STK32B: variants seen among roughly 807,000 people sequenced by gnomAD.
STK32B encodes the protein serine/threonine-protein kinase 32B.
A neutral mutation model predicts 52.6 loss-of-function variants in STK32B; 43 were observed. The ratio of observed to expected loss-of-function variants is 0.82; its 90% CI spans 0.64 to 1.05. The LOEUF (loss-of-function observed/expected upper bound fraction) is 1.05. STK32B is among the 50% of genes least tolerant of loss of function. The pLI, the probability that STK32B is intolerant of heterozygous loss-of-function variation, is 0.00. For synonymous variants in STK32B, 238 were observed against 204.3 expected, an observed-to-expected ratio of 1.17 and a Z score of -1.41; for missense variants, 621 against 534.6, an observed-to-expected ratio of 1.16 and a Z score of -1.59.
chr4:5,341,687 T>A (rs1457643482), intron 4 of STK32B, among the ~76,000 whole-genome samples: 1 of 152,174 alleles, frequency 6.6e-6, no homozygotes, highest in Non-Finnish European at 1.5e-5. Context: ...AGAGGCTTAA[T>A]TAGCTCATGG....
intron 3 of STK32B, among the ~76,000 whole-genome samples, chr4:5,243,474 T>G (rs1029887217): frequency 6.6e-6 from 1 of 152,218 alleles, no homozygotes; most frequent in African/African-American, 2.4e-5. Context: ...TAAGGAGATT[T>G]TGGGCTGAGA....
At chr4:5,035,557 T>A in the STK32B span, among the ~76,000 whole-genome samples, 1 of 152,176 alleles carries the variant, frequency 6.6e-6, no homozygotes, top group Non-Finnish European at 1.5e-5. Context: ...AGTGCTGCCC[T>A]GGCAGGTGAG....
intron 3 of STK32B, among the ~76,000 whole-genome samples, chr4:5,214,616 CTTAA>C (rs1723084088): frequency 6.6e-6 from 1 of 152,208 alleles, no homozygotes; most frequent in South Asian, 2.1e-4. Context: ...CACACACTAT[CTTAA>C]TTATTACAAT....
In STK32B at chr4:5,052,065, C is replaced by A. The variant is rs757301038; in HGVS notation, c.52+150C>A. 2.3e-5 allele frequency: 29 copies of A among 1,249,926 alleles called. No individual in the cohort carries two copies. The South Asian group carries it at 3.8e-4, about 16-fold the overall frequency. The allele number at this position is 1,249,926 out of a possible 1,614,324, so 77.4% of individuals were successfully genotyped here. ...CAGCGAATGCAGTGTGTGCCCGACCCGTGCCAGGCGCGGCGCTTCTGCTGA... is the reference window on the plus strand; with the variant it reads ...CAGCGAATGCAGTGTGTGCCCGACCAGTGCCAGGCGCGGCGCTTCTGCTGA... On this transcript the variant is annotated intron_variant, in intron 1 of 11. Coordinates refer to ENST00000282908, the MANE Select transcript of STK32B (RefSeq NM_018401.3).
chr4:5,141,746 G>T (rs1236120908), intron 2 of STK32B, among the ~76,000 whole-genome samples: 1 of 152,108 alleles, frequency 6.6e-6, no homozygotes, highest in Non-Finnish European at 1.5e-5. Flanking sequence ...TGGTCCATAG[G>T]TATAGGGGGT....
At chr4:5,176,597 C>G (rs1577145915) in intron 3 of STK32B, among the ~76,000 whole-genome samples, 1 of 152,186 alleles carries the variant, frequency 6.6e-6, no homozygotes, top group African/African-American at 2.4e-5. Flanking sequence ...GCGCCTGCCA[C>G]CACACGCAGT....
chr4:5,436,325 A>T (rs755808900), intron 6 of STK32B, among the ~76,000 whole-genome samples: 1 of 152,228 alleles, frequency 6.6e-6, no homozygotes, highest in Admixed American at 6.5e-5. Flanking sequence ...CATAATCCCT[A>T]TGCCACCAAA....
At chr4:5,337,136 C>A (rs1732760446) in intron 4 of STK32B, among the ~76,000 whole-genome samples, 2 of 107,820 alleles carry the variant, frequency 1.9e-5, no homozygotes, top group South Asian at 3.3e-4. Flanking sequence ...ACACCACCAT[C>A]CCTGGCCAAT....
chr4:5,369,441 T>G (rs1735084191), intron 4 of STK32B, among the ~76,000 whole-genome samples: 1 of 152,056 alleles, frequency 6.6e-6, no homozygotes, highest in African/African-American at 2.4e-5. Context: ...GCTGCTTAGA[T>G]CAGCAGAGGG....
chr4:5,425,174 G>C (rs571932329), intron 6 of STK32B, among the ~76,000 whole-genome samples: 11 of 152,306 alleles, frequency 7.2e-5, no homozygotes, highest in Non-Finnish European at 1.2e-4. Flanking sequence ...ATCTGGACCA[G>C]TAGCACAAGC....
At chr4:5,327,088 T>A (rs2108947895) in intron 3 of STK32B, among the ~76,000 whole-genome samples, 1 of 152,186 alleles carries the variant, frequency 6.6e-6, no homozygotes, top group Admixed American at 6.5e-5. Context: ...CAACTCCTCA[T>A]CTCTTAACGT....
At chr4:5,424,009 C>T (rs1290262972) in intron 6 of STK32B, among the ~76,000 whole-genome samples, 2 of 152,116 alleles carry the variant, frequency 1.3e-5, no homozygotes, top group African/African-American at 2.4e-5. Flanking sequence ...ACCCCACTCC[C>T]CCCGTAGGCT....
chr4:5,383,939 G>A (rs952295733), intron 4 of STK32B, among the ~76,000 whole-genome samples: 1 of 152,206 alleles, frequency 6.6e-6, no homozygotes, highest in Admixed American at 6.5e-5. Context: ...TGTCAGGCAT[G>A]ATAAGGGCAT....
At chr4:5,414,223 G>A (rs1212600037) in intron 5 of STK32B, among the ~76,000 whole-genome samples, 1 of 151,854 alleles carries the variant, frequency 6.6e-6, no homozygotes, top group Non-Finnish European at 1.5e-5. Context: ...ATTTTTTTCA[G>A]ATGTAAAAAT....
At chr4:5,256,034 A>G (rs7668704) in intron 3 of STK32B, among the ~76,000 whole-genome samples, 18,769 of 152,152 alleles carry the variant, frequency 0.12, 3,192 homozygotes, top group African/African-American at 0.38. Flanking sequence ...CTGAATCTAA[A>G]TGGTTACTTT....
At chr4:5,495,682 C>G (rs1720170725) in intron 11 of STK32B, among the ~76,000 whole-genome samples, 1 of 152,124 alleles carries the variant, frequency 6.6e-6, no homozygotes, top group Admixed American at 6.5e-5. Flanking sequence ...TTTTTCTGCT[C>G]TGTTTTTTCC....
chr4:5,478,077 A>G (rs2109190988), intron 11 of STK32B, among the ~76,000 whole-genome samples: 1 of 152,310 alleles, frequency 6.6e-6, no homozygotes, highest in African/African-American at 2.4e-5. Flanking sequence ...GGAAGAGCAG[A>G]GTTCTGCATC....
intron 3 of STK32B, among the ~76,000 whole-genome samples, chr4:5,229,530 T>G (rs906782367): frequency 2.6e-5 from 4 of 152,202 alleles, no homozygotes; most frequent in African/African-American, 9.7e-5. Context: ...CCCTGATATG[T>G]CAGTTTCACC....
intron 1 of STK32B, among the ~76,000 whole-genome samples, chr4:5,078,053 A>G (rs921738960): frequency 1.3e-5 from 2 of 152,144 alleles, no homozygotes; most frequent in Non-Finnish European, 2.9e-5. Flanking sequence ...ACGTCTTAAC[A>G]TGGCTGCCAC....
Sources: gnomAD v4.1 joint callset for allele counts (sites outside exome capture counted in the v4.1 genomes callset) on GRCh38, gnomAD v4.1.1 for gene constraint, MANE v1.5 for transcripts, NCBI Gene and HGNC (gene_info 2026-07-23, HGNC 2026-07-21) for gene names.